The following NFYB variants were observed in gnomAD, a reference collection of about 807,000 sequenced individuals.
The protein encoded by NFYB is nuclear transcription factor Y subunit beta.
NFYB carries 13 observed loss-of-function variants against 28.0 expected under a neutral mutation model. The observed-to-expected ratio is 0.46, with a 90% CI of 0.30 to 0.74. NFYB has a LOEUF of 0.74. Ranked by LOEUF, NFYB falls within the 30% of genes least tolerant of loss-of-function variation. The pLI is 0.07. For synonymous variants in NFYB, 74 were observed against 75.0 expected (o/e 0.99, Z 0.07); for missense variants, 142 against 247.6 (o/e 0.57, Z 2.86).
Position 104,126,139 on chromosome 12 carries a change from T to C in NFYB, c.206A>G (p.Lys69Arg). ...LPIANVARIM[K>R]NAIPQTGKIA... ...CTTTCCCGTTTGAGGTATGGCATTT[T>C]TCATTATCCTAGCCACGTTTGCTAT... Residue 69 changes from lysine (K) to arginine (R), a missense_variant, in exon 4 of 8, where the codon AAA (lysine) becomes AGA (arginine). Physicochemically the swap from Lys to Arg is conservative, Grantham distance 26. Coordinates refer to ENST00000240055, the MANE Select transcript of NFYB (RefSeq NM_006166.4). 6.3e-7 allele frequency: 1 copy of C among 1,589,676 alleles called. No homozygotes were observed. Among genetic ancestry groups the C allele is most frequent in the Admixed American group, 1.8e-5 (1 of 54,400 alleles).
chr12:104,124,439 A>G (rs916165454), intron 4 of NFYB, among the ~76,000 whole-genome samples: 12 of 152,252 alleles, frequency 7.9e-5, no homozygotes, highest in Non-Finnish European at 1.3e-4. Flanking sequence ...TCCCTGCCGA[A>G]ACACACTGTC....
chr12:104,122,586 G>A (rs147330156), intron 5 of NFYB, among the ~76,000 whole-genome samples: 45 of 152,268 alleles, frequency 3.0e-4, no homozygotes, highest in African/African-American at 9.6e-4. Flanking sequence ...TGTGAACTGC[G>A]CATGCAAGGG....
chr12:104,127,172 T>A (rs1446085757), intron 3 of NFYB, among the ~76,000 whole-genome samples: 1 of 152,214 alleles, frequency 6.6e-6, no homozygotes, highest in Non-Finnish European at 1.5e-5. Flanking sequence ...CGTTTTTATG[T>A]GTTTAAAATG....
At chr12:104,127,576 T>TA (rs1235812922) in intron 3 of NFYB, among the ~76,000 whole-genome samples, 28 of 65,300 alleles carry the variant, frequency 4.3e-4, no homozygotes, top group African/African-American at 1.7e-3. Flanking sequence ...TCAAAAAAAA[T>TA]AAAAAATAAA....
rs1028206973 is a variant in NFYB at position 104,136,188 on chromosome 12, C to G, written c.-79-656G>C. 2.6e-5 allele frequency among the ~76,000 whole-genome samples: 4 copies of G among 152,196 alleles called. No homozygotes were observed. The South Asian group carries it at 8.3e-4, about 31-fold the overall frequency. On this transcript the variant is annotated intron_variant, in intron 1 of 7. Coordinates refer to ENST00000240055, the MANE Select transcript of NFYB (RefSeq NM_006166.4). ...GCATCGAAATAGCACTTCAGTCTCA[C>G]TGTAAGGCATAAATAGCTGAACAAA...
In NFYB at chr12:104,117,287, A is replaced by G. The variant is rs1259369209; in HGVS notation, c.*2450T>C. 6.6e-6 allele frequency: 1 copy of G among 152,210 alleles called. No individual in the cohort carries two copies. The highest frequency in any genetic ancestry group is 1.5e-5 in the Non-Finnish European group (1 of 68,034). The allele number at this position is 152,210 out of a possible 1,614,324, so 9.4% of individuals were successfully genotyped here. A position where few individuals can be genotyped will look rare whatever the true frequency, so the allele number is the denominator to read the frequency against. ...CTTTCCCATCAGAGTATGAAGTCCA[A>G]CAATGAAGTCAATACATAAAAAAGG... On this transcript the variant is annotated 3_prime_UTR_variant, in exon 8 of 8. Transcript: ENST00000240055.
At chr12:104,122,332 T>G (rs1338254223) in intron 5 of NFYB, among the ~76,000 whole-genome samples, 1 of 152,220 alleles carries the variant, frequency 6.6e-6, no homozygotes, top group Non-Finnish European at 1.5e-5. Flanking sequence ...CCTTAAATCA[T>G]TATATAACTA....
At chr12:104,126,075 C>T in intron 4 of NFYB, 39 bp downstream of exon 4, 2 of 1,529,306 alleles carry the variant, frequency 1.3e-6, no homozygotes, top group Non-Finnish European at 1.7e-6. Flanking sequence ...TTTCGTGTTT[C>T]CCTTGAAAAA....
chr12:104,124,608 C>A (rs2030610967), intron 4 of NFYB, among the ~76,000 whole-genome samples: 1 of 152,054 alleles, frequency 6.6e-6, no homozygotes, highest in Non-Finnish European at 1.5e-5. Context: ...TTTAATTTAA[C>A]CCAATATAGC....
intron 7 of NFYB, among the ~76,000 whole-genome samples, chr12:104,120,063 AT>A (rs200252218): frequency 0.089 from 13,356 of 150,376 alleles, 853 homozygotes; most frequent in Admixed American, 0.17. Flanking sequence ...TAAAAAAAAA[AT>A]TTTTTTTTTG....
intron 2 of NFYB, among the ~76,000 whole-genome samples, chr12:104,132,726 TG>T (rs1370487993): frequency 1.3e-5 from 2 of 152,324 alleles, no homozygotes; most frequent in East Asian, 3.9e-4. Flanking sequence ...AGGGGAGTGC[TG>T]GACAGTGTAA....
chr12:104,125,085 A>G (rs2030631292), intron 4 of NFYB, among the ~76,000 whole-genome samples: 4 of 152,358 alleles, frequency 2.6e-5, no homozygotes, highest in Admixed American at 2.6e-4. Context: ...TTAAGAAAAA[A>G]AAATATCAAT....
intron 4 of NFYB, among the ~76,000 whole-genome samples, chr12:104,124,275 T>A (rs141688810): frequency 1.3e-5 from 2 of 152,376 alleles, no homozygotes; most frequent in Non-Finnish European, 2.9e-5. Flanking sequence ...GATACAGGTT[T>A]TGAGTTTACT....
chr12:104,137,132 T>C (rs2031130751), intron 1 of NFYB, among the ~76,000 whole-genome samples: 1 of 152,212 alleles, frequency 6.6e-6, no homozygotes, highest in Non-Finnish European at 1.5e-5. Context: ...CAGTGATTTG[T>C]AGCACGAACC....
At chr12:104,123,184 AAAG>A (rs752056007) in intron 5 of NFYB, 39 bp downstream of exon 5, 1 of 1,510,544 alleles carries the variant, frequency 6.6e-7, no homozygotes, top group African/African-American at 1.4e-5. Flanking sequence ...TCAAAAAAAA[AAAG>A]AAGAAAAAAA....
intron 2 of NFYB, chr12:104,131,779 G>C: frequency 2.2e-6 from 1 of 456,048 alleles, no homozygotes. Flanking sequence ...TGCTGGTCAC[G>C]TAGCTGTCAA....
At position 104,126,121 on chromosome 12, in the gene NFYB, G is replaced by A. The variant is rs747482721; in HGVS notation, c.224C>T (p.Thr75Met). 2.2e-5 allele frequency: 34 copies of A among 1,578,380 alleles called. No homozygotes were observed. The highest frequency in any genetic ancestry group is 2.8e-5 in the African/African-American group (2 of 72,714). Residue 75 changes from threonine to methionine, a missense_variant, in exon 4 of 8, where the codon ACG (threonine) becomes ATG (methionine). By Grantham distance (81) the Thr-to-Met change is moderately conservative. Around this residue, in one of 2 missense-constraint regions of NFYB, gnomAD observed 88 missense variants for 189.5 expected, o/e 0.46. Coordinates refer to ENST00000240055, the MANE Select transcript of NFYB (RefSeq NM_006166.4). ...ATTTCTCCTCTACGTTACCTTTCCC[G>A]TTTGAGGTATGGCATTTTTCATTAT... ...ARIMKNAIPQTGKIAKDAKEC... is the reference protein window; with the variant it reads ...ARIMKNAIPQMGKIAKDAKEC...
chr12:104,131,958 T>C (rs2030941042), intron 2 of NFYB: 1 of 349,154 alleles, frequency 2.9e-6, no homozygotes, highest in Non-Finnish European at 5.7e-6. Flanking sequence ...GTGAACAAAC[T>C]GGATGAGAAC....
Position 104,118,582 on chromosome 12 carries a change from G to A in NFYB, c.*1155C>T, listed in dbSNP as rs2030349912. 1 of 152,518 alleles carries A rather than the reference G, an allele frequency of 6.6e-6. No individual in the cohort carries two copies. Among genetic ancestry groups the A allele is most frequent in the Non-Finnish European group, 1.5e-5 (1 of 68,010 alleles). 9.4% of individuals were successfully genotyped at this position (152,518 alleles called of 1,614,324 possible). ...TTAATTAACACCAAAAAGAATAGATGAGAAAATACAAATCCTCACTTTTCA... is the reference window on the plus strand; with the variant it reads ...TTAATTAACACCAAAAAGAATAGATAAGAAAATACAAATCCTCACTTTTCA... On this transcript the variant is annotated 3_prime_UTR_variant, in exon 8 of 8. Coordinates refer to ENST00000240055, the MANE Select transcript of NFYB (RefSeq NM_006166.4).
Sources: allele counts gnomAD v4.1 joint callset (sites outside exome capture counted in the v4.1 genomes callset), GRCh38; gene constraint gnomAD v4.1.1; regional missense constraint gnomAD v4.1.1; transcripts MANE v1.5; gene names NCBI Gene and HGNC (gene_info 2026-07-23, HGNC 2026-07-21).